Variants in WWC2 observed in about 807,000 individuals in gnomAD.
The protein encoded by WWC2 is protein WWC2.
In WWC2, 101 loss-of-function variants were observed where a neutral mutation model predicts 138.5. That is an observed-to-expected ratio of 0.73 (90% confidence interval 0.62 to 0.86). WWC2 has a LOEUF of 0.86. Among genes scored for constraint, WWC2 ranks in the 40% least tolerant of loss-of-function variants. The pLI is 0.00. For synonymous variants in WWC2, 558 were observed against 538.4 expected, an observed-to-expected ratio of 1.04 and a Z score of -0.50; for missense variants, 1,420 against 1,419.4, an observed-to-expected ratio of 1.00 and a Z score of -0.01.
At chr4:183,211,543 G>A (rs534470467) in intron 4 of WWC2, among the ~76,000 whole-genome samples, 21 of 152,190 alleles carry the variant, frequency 1.4e-4, no homozygotes, top group African/African-American at 4.6e-4. Context: ...CTCTAAGGGC[G>A]GGTCAATTTC....
At chr4:183,207,631 C>T (rs1166032979) in intron 2 of WWC2, among the ~76,000 whole-genome samples, 2 of 152,088 alleles carry the variant, frequency 1.3e-5, no homozygotes, top group African/African-American at 2.4e-5. Flanking sequence ...CCAGCTTATG[C>T]AGGGCATTGA....
At chr4:183,280,066 C>T (rs1738012497) in intron 16 of WWC2, among the ~76,000 whole-genome samples, 1 of 151,932 alleles carries the variant, frequency 6.6e-6, no homozygotes, top group African/African-American at 2.4e-5. Flanking sequence ...ATGAGAATAA[C>T]TGATATCTTC....
In WWC2 at chr4:183,320,180, T is replaced by A; in HGVS notation, c.*4451T>A. The A allele has an allele frequency of 6.2e-7, 1 of 1,614,138 alleles. No individual in the cohort carries two copies. Among genetic ancestry groups the A allele is most frequent in the Non-Finnish European group, 8.5e-7 (1 of 1,180,022 alleles). ...CCCATCCCAGCAAAGATAATGAAAC[T>A]CCAGCTAGTTGAGCTACAGTTCTAA... On this transcript the variant is annotated 3_prime_UTR_variant, in exon 23 of 23. Transcript: ENST00000403733.
intron 4 of WWC2, among the ~76,000 whole-genome samples, chr4:183,239,590 A>G (rs1430643260): frequency 6.6e-6 from 1 of 152,182 alleles, no homozygotes; most frequent in Non-Finnish European, 1.5e-5. Flanking sequence ...GGTGGGTTGC[A>G]GCTTACTTTC....
intron 9 of WWC2, among the ~76,000 whole-genome samples, chr4:183,256,605 G>A (rs546457178): frequency 2.0e-5 from 3 of 152,276 alleles, no homozygotes; most frequent in African/African-American, 4.8e-5. Context: ...GGGCTGGCTG[G>A]AGCTTCTTTT....
chr4:183,193,367 CTTTA>C (rs1345439317), intron 1 of WWC2, among the ~76,000 whole-genome samples: 10 of 152,000 alleles, frequency 6.6e-5, no homozygotes, highest in Non-Finnish European at 1.3e-4. Context: ...TTTAGGATGC[CTTTA>C]TTTATTTAGT....
chr4:183,143,857 A>G (rs1272366226), intron 1 of WWC2, among the ~76,000 whole-genome samples: 1 of 152,128 alleles, frequency 6.6e-6, no homozygotes, highest in East Asian at 1.9e-4. Context: ...TAAGGCAAGA[A>G]TTATGTTAAG....
chr4:183,307,421 C>A (rs113110101), intron 21 of WWC2, among the ~76,000 whole-genome samples: 10 of 152,160 alleles, frequency 6.6e-5, no homozygotes, highest in Non-Finnish European at 1.5e-4. Flanking sequence ...AGAACAGAAG[C>A]AAAGAGAATT....
chr4:183,155,972 T>C (rs1337919483), intron 1 of WWC2, among the ~76,000 whole-genome samples: 1 of 152,190 alleles, frequency 6.6e-6, no homozygotes, highest in East Asian at 1.9e-4. Context: ...TAAGATGATG[T>C]GATGATGTCA....
chr4:183,243,000 G>T (rs142751441), intron 5 of WWC2, among the ~76,000 whole-genome samples: 1 of 152,178 alleles, frequency 6.6e-6, no homozygotes, highest in African/African-American at 2.4e-5. Flanking sequence ...AAAAAGAGCA[G>T]AAACGTTCCA....
chr4:183,105,465 G>A (rs1342870387), intron 1 of WWC2, among the ~76,000 whole-genome samples: 1 of 152,216 alleles, frequency 6.6e-6, no homozygotes, highest in Non-Finnish European at 1.5e-5. Context: ...TGCCGATGCA[G>A]GAGTTACTAA....
intron 1 of WWC2, among the ~76,000 whole-genome samples, chr4:183,116,426 A>G (rs1258753139): frequency 6.6e-6 from 1 of 152,246 alleles, no homozygotes; most frequent in East Asian, 1.9e-4. Context: ...GATAGGTACC[A>G]TTATTATTTC....
chr4:183,292,902 T>C (rs1256991556), intron 21 of WWC2, among the ~76,000 whole-genome samples: 1 of 152,240 alleles, frequency 6.6e-6, no homozygotes, highest in Non-Finnish European at 1.5e-5. Flanking sequence ...AACACTGTAT[T>C]AAAAAGATTG....
intron 1 of WWC2, among the ~76,000 whole-genome samples, chr4:183,145,804 C>T (rs756678284): frequency 6.6e-6 from 1 of 152,160 alleles, no homozygotes; most frequent in African/African-American, 2.4e-5. Flanking sequence ...AGGATAATCT[C>T]GGATTGATGT....
intron 6 of WWC2, 56 bp from the exon 7 acceptor site, chr4:183,248,658 A>G: frequency 6.8e-7 from 1 of 1,473,810 alleles, no homozygotes. Context: ...CCTGGTAGGG[A>G]AGGTTTGCTG....
At chr4:183,221,306 A>G (rs563740422) in intron 4 of WWC2, among the ~76,000 whole-genome samples, 1 of 152,342 alleles carries the variant, frequency 6.6e-6, no homozygotes, top group African/African-American at 2.4e-5. Context: ...ATAAAGACCA[A>G]TACAACTGCA....
chr4:183,197,412 A>T (rs577463898), intron 2 of WWC2, among the ~76,000 whole-genome samples: 1 of 152,366 alleles, frequency 6.6e-6, no homozygotes, highest in South Asian at 2.1e-4. Context: ...CTGACATCGT[A>T]TAGTTTCAGC....
chr4:183,161,720 G>C (rs1733964459), intron 1 of WWC2, among the ~76,000 whole-genome samples: 1 of 152,126 alleles, frequency 6.6e-6, no homozygotes, highest in Non-Finnish European at 1.5e-5. Flanking sequence ...GTATCATGCT[G>C]TACATGTTTG....
intron 1 of WWC2, among the ~76,000 whole-genome samples, chr4:183,122,067 G>A (rs529781193): frequency 2.6e-5 from 4 of 151,982 alleles, no homozygotes; most frequent in African/African-American, 4.8e-5. Flanking sequence ...TTACAGGCGT[G>A]AGCCACCACG....
Sources: gnomAD v4.1 joint callset for allele counts (sites outside exome capture counted in the v4.1 genomes callset) on GRCh38, gnomAD v4.1.1 for gene constraint, MANE v1.5 for transcripts, NCBI Gene and HGNC (gene_info 2026-07-23, HGNC 2026-07-21) for gene names.